The following MELTF variants were observed in gnomAD, a reference collection of about 807,000 sequenced individuals.
MELTF encodes antigen p97 (melanoma associated) identified by monoclonal antibodies 133.2 and 96.5.
In MELTF, 67 loss-of-function variants were observed where a neutral mutation model predicts 83.7. That is an observed-to-expected ratio of 0.80 (90% CI 0.66 to 0.98). MELTF has a LOEUF of 0.98. Among genes scored for constraint, MELTF ranks in the 50% least tolerant of loss-of-function variants. MELTF has a pLI of 0.00. For missense variants in MELTF, 1,002 were observed against 1,035.6 expected (o/e 0.97, Z 0.44); for synonymous variants, 462 against 447.6 (o/e 1.03, Z -0.41).
At chr3:197,019,416 A>G in intron 6 of MELTF, 2 of 1,342,656 alleles carry the variant, frequency 1.5e-6, no homozygotes, top group South Asian at 4.4e-5. Context: ...CACTTAAAAA[A>G]TGACTCCCTT....
At chr3:197,019,688 A>G in intron 6 of MELTF, 3 of 1,613,964 alleles carry the variant, frequency 1.9e-6, no homozygotes, top group Non-Finnish European at 2.5e-6. Context: ...ACGGGAGCCC[A>G]TTTCCAGGCT....
At chr3:197,020,597 C>T (rs1202897929) in intron 6 of MELTF, among the ~76,000 whole-genome samples, 1 of 151,962 alleles carries the variant, frequency 6.6e-6, no homozygotes, top group Non-Finnish European at 1.5e-5. Context: ...TTTTCCAAAG[C>T]TCAGTTCTTT....
Position 197,003,772 on chromosome 3 carries a change from C to G in MELTF, c.2137+129G>C, listed in dbSNP as rs956058981. 8 of 1,004,870 alleles carry G rather than the reference C, an allele frequency of 8.0e-6. No individual in the cohort carries two copies. Among genetic ancestry groups the G allele is most frequent in the Admixed American group, 5.5e-5 (2 of 36,514 alleles). 62.2% of individuals were successfully genotyped at this position (1,004,870 alleles called of 1,614,324 possible). A position where few individuals can be genotyped will look rare whatever the true frequency, so the allele number is the denominator to read the frequency against. On this transcript the variant is annotated intron_variant, in intron 15 of 15. Transcript: ENST00000296350. This position sits in a 1 kb window ranked among gnomAD's most constrained non-coding sequence, Gnocchi z 6.2. The stretch of plus-strand genomic sequence containing the variant: ...CTGGCCAAAATCCTCCCGGGACACC[C>G]CACCTGGACTGCTGCGAACGGGCCT...
rs376470342 is a variant in MELTF at position 197,017,188 on chromosome 3, T to A, written c.815A>T (p.His272Leu). 1 of 1,606,668 alleles carries A rather than the reference T, an allele frequency of 6.2e-7. No individual in the cohort carries two copies. The highest frequency in any genetic ancestry group is 1.3e-5 in the African/African-American group (1 of 74,884). ...GGCGTGAGCAGGCACCCGGGCCAGATGGCACTGCCTCCACTCGGTGACATC... is the reference window on the plus strand; with the variant it reads ...GGCGTGAGCAGGCACCCGGGCCAGAAGGCACTGCCTCCACTCGGTGACATC... ...RADVTEWRQCHLARVPAHAVV... is the reference protein window; with the variant it reads ...RADVTEWRQCLLARVPAHAVV... Residue 272 changes from histidine (H) to leucine (L), a missense_variant, in exon 7 of 16, where the codon CAT (histidine) becomes CTT (leucine). His to Leu is a moderately conservative substitution (Grantham distance 99). Coordinates refer to ENST00000296350, the MANE Select transcript of MELTF (RefSeq NM_005929.6).
intron 9 of MELTF, 121 bp downstream of exon 9, chr3:197,015,244 G>A: frequency 8.2e-7 from 1 of 1,218,452 alleles, no homozygotes; most frequent in Non-Finnish European, 1.1e-6. Context: ...CCGTCTCTGT[G>A]GGCTTGTTGC....
chr3:197,007,414 T>G lies in MELTF; in HGVS notation c.1751-678A>C, dbSNP rs528714446. Among the ~76,000 whole-genome samples, 1 of 152,282 alleles carries G rather than the reference T, an allele frequency of 6.6e-6. No individual in the cohort carries two copies. The highest frequency in any genetic ancestry group is 2.1e-4 in the South Asian group (1 of 4,826). On this transcript the variant is annotated intron_variant, in intron 13 of 15. Coordinates refer to ENST00000296350, the MANE Select transcript of MELTF (RefSeq NM_005929.6). The surrounding 1 kb of genome is among the most constrained non-coding windows in gnomAD (Gnocchi z 4.3). ...ACTTAGTATCCATCCTCCTCCCATTTCCAGGAAATCCAGGTGGGCCTTGAG... is the reference window on the plus strand; with the variant it reads ...ACTTAGTATCCATCCTCCTCCCATTGCCAGGAAATCCAGGTGGGCCTTGAG...
chr3:197,008,613 A>G lies in MELTF; in HGVS notation c.1750+44T>C, dbSNP rs1053235350. 6.3e-7 allele frequency: 1 copy of G among 1,582,846 alleles called. No homozygotes were observed. Among genetic ancestry groups the G allele is most frequent in the Non-Finnish European group, 8.6e-7 (1 of 1,159,416 alleles). ...CTGGATGGTGCTGAAGATGGGGAACAGTCCCCCCGACCTACCTTTGGCCCT... is the reference window on the plus strand; with the variant it reads ...CTGGATGGTGCTGAAGATGGGGAACGGTCCCCCCGACCTACCTTTGGCCCT... On this transcript the variant is annotated intron_variant, in intron 13 of 15. Coordinates refer to ENST00000296350, the MANE Select transcript of MELTF (RefSeq NM_005929.6). This position sits in a 1 kb window ranked among gnomAD's most constrained non-coding sequence, Gnocchi z 5.4.
chr3:197,008,630 T>A lies in MELTF; in HGVS notation c.1750+27A>T, dbSNP rs747567352. 4.4e-6 allele frequency: 7 copies of A among 1,609,106 alleles called. No individual in the cohort carries two copies. The East Asian group carries it at 1.6e-4, about 36-fold the overall frequency. ...TGGGGAACAGTCCCCCCGACCTACC[T>A]TTGGCCCTGCTCTTGCCCCCACCTA... On this transcript the variant is annotated intron_variant, in intron 13 of 15. Coordinates refer to ENST00000296350, the MANE Select transcript of MELTF (RefSeq NM_005929.6). This position sits in a 1 kb window ranked among gnomAD's most constrained non-coding sequence, Gnocchi z 5.4.
chr3:197,006,690 A>C lies in MELTF; in HGVS notation c.1797T>G (p.Tyr599Ter), dbSNP rs1577925780. The C allele has an allele frequency of 6.3e-7, 1 of 1,582,434 alleles. No homozygotes were observed. Among genetic ancestry groups the C allele is most frequent in the Non-Finnish European group, 8.6e-7 (1 of 1,165,114 alleles). ...PWAAELRSED[Y>*]ELLCPNGARA... ...GGGCCCCGTTGGGGCACAGCAGTTC[A>C]TAGTCCTCTGACCTGAGCTCAGCAG... Residue 599 changes from tyrosine to a stop codon, truncating the protein, a stop_gained, in exon 14 of 16, where the codon TAT becomes TAG. Transcript: ENST00000296350. LOFTEE classifies it high-confidence loss of function. This position sits in a 1 kb window ranked among gnomAD's most constrained non-coding sequence, Gnocchi z 5.4.
intron 3 of MELTF, chr3:197,026,447 C>T (rs779834369): frequency 1.8e-5 from 10 of 569,836 alleles, no homozygotes; most frequent in African/African-American, 7.5e-5. Flanking sequence ...GGGCTCCCTG[C>T]GGGCAAGAGC....
In MELTF at chr3:197,008,353, A is replaced by G. The variant is rs1474280948; in HGVS notation, c.1750+304T>C. The stretch of plus-strand genomic sequence containing the variant: ...CACCTCACACCTTGGCACTACATCA[A>G]TACTCCCAGAAGGGGGTCTTTCCAG... On this transcript the variant is annotated intron_variant, in intron 13 of 15. Coordinates refer to ENST00000296350, the MANE Select transcript of MELTF (RefSeq NM_005929.6). This position sits in a 1 kb window ranked among gnomAD's most constrained non-coding sequence, Gnocchi z 5.4. 6.6e-6 allele frequency among the ~76,000 whole-genome samples: 1 copy of G among 152,086 alleles called. No individual in the cohort carries two copies. The highest frequency in any genetic ancestry group is 1.5e-5 in the Non-Finnish European group (1 of 67,996).
At position 197,007,609 on chromosome 3, in the gene MELTF, A is replaced by C. The variant is rs1415920371; in HGVS notation, c.1751-873T>G. On this transcript the variant is annotated intron_variant, in intron 13 of 15. Transcript: ENST00000296350. The surrounding 1 kb of genome is among the most constrained non-coding windows in gnomAD (Gnocchi z 4.3). ...GCCCGCTGGGCTCGTGCAGGAGCACACAGCCCCTCCCTGGGGGAGGGTTTC... is the reference window on the plus strand; with the variant it reads ...GCCCGCTGGGCTCGTGCAGGAGCACCCAGCCCCTCCCTGGGGGAGGGTTTC... Among the ~76,000 whole-genome samples the C allele has an allele frequency of 1.3e-5, 2 of 152,188 alleles. No individual in the cohort carries two copies. The highest frequency in any genetic ancestry group is 2.9e-5 in the Non-Finnish European group (2 of 68,016).
In MELTF at chr3:197,009,766, C is replaced by G. The variant is rs757078670; in HGVS notation, c.1377G>C (p.Arg459=). 3 of 1,613,304 alleles carry G rather than the reference C, an allele frequency of 1.9e-6. No individual in the cohort carries two copies. In the African/African-American group the frequency reaches 4.0e-5, roughly 22 times the overall value. Residue 459 remains arginine (R), a synonymous_variant, in exon 11 of 16, where the codon CGG becomes CGC. Coordinates refer to ENST00000296350, the MANE Select transcript of MELTF (RefSeq NM_005929.6). ...NSYYVVAVVR[R]DSSHAFTLDE... is the part of the protein sequence containing the mutation. Reference sequence around the variant, plus strand: ...CCAAGGTGAAGGCGTGGGAGCTGTCCCGTCTCACCACGGCCACCACGTAGT... The same window carrying G: ...CCAAGGTGAAGGCGTGGGAGCTGTCGCGTCTCACCACGGCCACCACGTAGT...
intron 14 of MELTF, 78 bp from the exon 15 acceptor site, chr3:197,004,177 A>G (rs1718893610): frequency 7.5e-7 from 1 of 1,337,890 alleles, no homozygotes; most frequent in Non-Finnish European, 1.1e-6. Context: ...CTAGCTGCAA[A>G]TTGCTTTACA....
chr3:197,016,632 G>C (rs1195800990), intron 7 of MELTF, among the ~76,000 whole-genome samples: 1 of 152,244 alleles, frequency 6.6e-6, no homozygotes, highest in African/African-American at 2.4e-5. Flanking sequence ...CCAGGCATGG[G>C]ACGGTCCTGA....
At chr3:197,010,844 C>A in intron 9 of MELTF, 50 bp from the exon 10 acceptor site, 2 of 1,559,862 alleles carry the variant, frequency 1.3e-6, no homozygotes. Flanking sequence ...CAGGATGGCT[C>A]TGGATGTCGG....
chr3:197,026,539 G>T, intron 3 of MELTF, 121 bp downstream of exon 3: 1 of 814,366 alleles, frequency 1.2e-6, no homozygotes. Context: ...TTCTGGCTGG[G>T]ACTCCAGGAC....
rs1719986381 is a variant in MELTF at position 197,029,226 on chromosome 3, C to CG, written c.49+427dup. The CG allele has an allele frequency of 1.3e-5, 2 of 159,428 alleles. No individual in the cohort carries two copies. Among genetic ancestry groups the CG allele is most frequent in the Admixed American group, 1.3e-4 (2 of 15,472 alleles). 9.9% of individuals were successfully genotyped at this position (159,428 alleles called of 1,614,324 possible). On this transcript the variant is annotated intron_variant, in intron 1 of 15. Transcript: ENST00000296350. The surrounding 1 kb of genome is among the most constrained non-coding windows in gnomAD (Gnocchi z 6.5). ...CATCCCTGCATGTGCCAGAAACCCC[C>CG]GGGCGGACTCCCGCGCCTGCCGGTC...
chr3:197,019,325 A>G, intron 6 of MELTF: 1 of 1,102,290 alleles, frequency 9.1e-7, no homozygotes. Flanking sequence ...GCCAAGAACA[A>G]TGAAAGTCCT....
Sources: gnomAD v4.1 joint callset for allele counts (sites outside exome capture counted in the v4.1 genomes callset) on GRCh38, gnomAD v4.1.1 for gene constraint, Gnocchi (gnomAD v3.1) non-coding constraint, MANE v1.5 for transcripts, NCBI Gene and HGNC (gene_info 2026-07-23, HGNC 2026-07-21) for gene names.